Variants in C16orf74 observed in about 807,000 individuals in gnomAD.
The protein encoded by C16orf74 is calcimembrin.
C16orf74 carries 10 observed loss-of-function variants against 6.5 expected under a neutral mutation model. The ratio of observed to expected loss-of-function variants is 1.54; its 90% CI spans 0.95 to 2.61. The LOEUF is 2.61. Among genes scored for constraint, C16orf74 ranks in the 30% most tolerant of loss-of-function variants. The pLI is 0.00. For synonymous variants in C16orf74, 60 were observed against 42.5 expected, an observed-to-expected ratio of 1.41 and a Z score of -1.60; for missense variants, 141 against 105.9, an observed-to-expected ratio of 1.33 and a Z score of -1.45.
chr16:85,748,883 T>C (rs531356358), intron 1 of C16orf74, among the ~76,000 whole-genome samples: 1 of 151,980 alleles, frequency 6.6e-6, no homozygotes, highest in South Asian at 2.1e-4. Context: ...GGAATGCCCT[T>C]AGCCAAGGGG....
chr16:85,729,394 T>C (rs1318033933), intron 2 of C16orf74, among the ~76,000 whole-genome samples: 4 of 152,180 alleles, frequency 2.6e-5, no homozygotes, highest in African/African-American at 7.2e-5. Context: ...CCCCTTTCCT[T>C]TGGACTCGGA....
At chr16:85,743,548 G>A (rs181699394) in intron 1 of C16orf74, 1 of 152,330 alleles carries the variant, frequency 6.6e-6, no homozygotes, top group East Asian at 1.9e-4. Context: ...GCACTGGGTT[G>A]CAGTGTTCTA....
chr16:85,725,403 T>G (rs1367590476), intron 2 of C16orf74, among the ~76,000 whole-genome samples: 1 of 152,206 alleles, frequency 6.6e-6, no homozygotes, highest in Non-Finnish European at 1.5e-5. Context: ...GCTGTCAGCC[T>G]GGACCACCCA....
At chr16:85,744,340 G>C (rs992786053) in intron 1 of C16orf74, 1 of 152,006 alleles carries the variant, frequency 6.6e-6, no homozygotes, top group Admixed American at 6.6e-5. Context: ...GATGGTATGG[G>C]AGCAGTTGGG....
chr16:85,710,452 C>A, intron 2 of C16orf74, 145 bp from the exon 3 acceptor site: 1 of 660,486 alleles, frequency 1.5e-6, no homozygotes, highest in South Asian at 2.5e-5. Context: ...GCTGTCCCCG[C>A]ATCACAGATG....
chr16:85,711,184 C>T (rs1056848428), intron 2 of C16orf74, among the ~76,000 whole-genome samples: 2 of 151,746 alleles, frequency 1.3e-5, no homozygotes, highest in African/African-American at 4.8e-5. Context: ...TGTGGTGGCA[C>T]ACACCTGTAA....
intron 1 of C16orf74, among the ~76,000 whole-genome samples, chr16:85,746,827 T>C (rs1229416056): frequency 1.3e-5 from 2 of 152,198 alleles, no homozygotes; most frequent in African/African-American, 4.8e-5. Flanking sequence ...GGTGCTTTTC[T>C]TCCTTCTTTA....
intron 1 of C16orf74, among the ~76,000 whole-genome samples, chr16:85,735,953 C>A (rs2054239885): frequency 6.6e-6 from 1 of 152,158 alleles, no homozygotes; most frequent in Non-Finnish European, 1.5e-5. Flanking sequence ...ACACAAAAAT[C>A]AGGGCTCAGA....
intron 2 of C16orf74, among the ~76,000 whole-genome samples, chr16:85,715,956 A>G (rs2054018979): frequency 6.6e-6 from 1 of 152,138 alleles, no homozygotes; most frequent in Non-Finnish European, 1.5e-5. Flanking sequence ...AGTGTTCTCT[A>G]TTATCATCCA....
chr16:85,745,391 T>C (rs781370517), intron 1 of C16orf74, among the ~76,000 whole-genome samples: 1 of 152,210 alleles, frequency 6.6e-6, no homozygotes, highest in Non-Finnish European at 1.5e-5. Flanking sequence ...TGCAACAGCC[T>C]TGAAGGCAGG....
At chr16:85,733,790 A>C (rs415418) in intron 2 of C16orf74, among the ~76,000 whole-genome samples, 13 of 152,208 alleles carry the variant, frequency 8.5e-5, no homozygotes, top group Admixed American at 7.8e-4. Context: ...GGTCCTGGAG[A>C]GGACGTGGGC....
At chr16:85,718,587 G>T (rs1055730905) in intron 2 of C16orf74, among the ~76,000 whole-genome samples, 1 of 152,180 alleles carries the variant, frequency 6.6e-6, no homozygotes, top group Admixed American at 6.5e-5. Context: ...CTGCAGAACT[G>T]GGGTAAATAA....
At chr16:85,732,790 G>A (rs1352430364) in intron 2 of C16orf74, among the ~76,000 whole-genome samples, 3 of 152,104 alleles carry the variant, frequency 2.0e-5, no homozygotes, top group Admixed American at 1.3e-4. Context: ...GGTGGGCAGG[G>A]GCCGGCAGCA....
intron 3 of C16orf74, among the ~76,000 whole-genome samples, chr16:85,708,683 G>A (rs1312605480): frequency 2.6e-5 from 4 of 152,182 alleles, no homozygotes; most frequent in Non-Finnish European, 4.4e-5. Context: ...AGAGGAATGC[G>A]CCCCATTGCA....
At chr16:85,738,687 C>A (rs1177474273) in intron 1 of C16orf74, among the ~76,000 whole-genome samples, 3 of 151,948 alleles carry the variant, frequency 2.0e-5, no homozygotes, top group South Asian at 2.1e-4. Context: ...GAGAGAGAAT[C>A]CTTCCCTATG....
chr16:85,713,453 AG>A (rs931035997), intron 2 of C16orf74, among the ~76,000 whole-genome samples: 1 of 152,144 alleles, frequency 6.6e-6, no homozygotes, highest in Non-Finnish European at 1.5e-5. Context: ...TTGTATTTTT[AG>A]TAGAGACAGG....
intron 1 of C16orf74, among the ~76,000 whole-genome samples, chr16:85,749,635 CAGGGGATTAAAACAGAA>C (rs2054413675): frequency 6.6e-6 from 1 of 152,210 alleles, no homozygotes; most frequent in Non-Finnish European, 1.5e-5. Flanking sequence ...GAGAGTTGGT[CAGGGGATTAAAACAGAA>C]AACGCAGGGT....
At chr16:85,709,496 T>TTA (rs2053945969) in intron 3 of C16orf74, among the ~76,000 whole-genome samples, 1 of 336 alleles carries the variant, frequency 3.0e-3, no homozygotes, top group African/African-American at 4.9e-3. Context: ...ATCCCCAATG[T>TTA]TATTATTATT....
At chr16:85,714,595 T>G (rs1170056260) in intron 2 of C16orf74, among the ~76,000 whole-genome samples, 1 of 151,452 alleles carries the variant, frequency 6.6e-6, no homozygotes, top group Admixed American at 6.6e-5. Flanking sequence ...AATTTTTATA[T>G]TTTTCGTAGA....
Sources: allele counts gnomAD v4.1 joint callset (sites outside exome capture counted in the v4.1 genomes callset), GRCh38; gene constraint gnomAD v4.1.1; transcripts MANE v1.5; gene names NCBI Gene and HGNC (gene_info 2026-07-23, HGNC 2026-07-21).